Variants in MYO9A observed in about 807,000 individuals in gnomAD.
MYO9A encodes myosin IXA.
Under a neutral mutation model 293.3 loss-of-function variants are expected in MYO9A, and 103 were observed. The observed-to-expected ratio is 0.35, with a 90% confidence interval of 0.30 to 0.41. The LOEUF (loss-of-function observed/expected upper bound fraction) is 0.41. MYO9A is among the 10% of genes least tolerant of loss of function. The pLI, the probability that MYO9A is intolerant of heterozygous loss-of-function variation, is 1.00. For synonymous variants in MYO9A, 1,001 were observed against 1,035.7 expected (o/e 0.97, Z 0.64); for missense variants, 2,685 against 3,033.0 (o/e 0.89, Z 2.69).
chr15:71,859,911 G>T, intron 33 of MYO9A, 115 bp from the exon 34 acceptor site: 1 of 764,326 alleles, frequency 1.3e-6, no homozygotes, highest in Non-Finnish European at 2.1e-6. Context: ...TCAGACTGCT[G>T]TAATATGACA....
At chr15:72,019,972 G>A (rs1378642839) in intron 5 of MYO9A, among the ~76,000 whole-genome samples, 2 of 152,024 alleles carry the variant, frequency 1.3e-5, no homozygotes, top group East Asian at 1.9e-4. Context: ...GGCTGGTCTC[G>A]AACTCCTGAC....
chr15:71,974,213 A>G (rs941416702), intron 12 of MYO9A, among the ~76,000 whole-genome samples: 4 of 152,032 alleles, frequency 2.6e-5, no homozygotes, highest in Non-Finnish European at 4.4e-5. Flanking sequence ...TGTCCAACAA[A>G]GAGGAAAAAA....
intron 23 of MYO9A, 138 bp downstream of exon 23, chr15:71,901,053 T>C (rs563043563): frequency 6.9e-6 from 6 of 867,174 alleles, no homozygotes; most frequent in Admixed American, 6.5e-5. Context: ...TATGAGCACT[T>C]CAAAATTGGG....
intron 15 of MYO9A, among the ~76,000 whole-genome samples, chr15:71,941,149 G>C (rs562786916): frequency 6.6e-6 from 1 of 152,220 alleles, no homozygotes; most frequent in Admixed American, 6.5e-5. Context: ...AAAATCATCA[G>C]ATCTGGTCAG....
intron 29 of MYO9A, 56 bp from the exon 30 acceptor site, chr15:71,879,893 T>C: frequency 8.5e-7 from 1 of 1,177,444 alleles, no homozygotes; most frequent in East Asian, 2.3e-5. Flanking sequence ...AAGAAGTAAA[T>C]ACAACAGTAG....
rs558382337 is a variant in MYO9A, at chr15:71,955,930, T to C, written c.2182+3971A>G. ...GCTTATTCTGGACAATTCACATAAATGGAATGATACAATATTCCATTTTGT... is the reference window on the plus strand; with the variant it reads ...GCTTATTCTGGACAATTCACATAAACGGAATGATACAATATTCCATTTTGT... On this transcript the variant is annotated intron_variant, in intron 14 of 41. Coordinates refer to ENST00000356056, the MANE Select transcript of MYO9A (RefSeq NM_006901.4). Among the ~76,000 whole-genome samples the C allele has an allele frequency of 1.9e-4, 29 of 152,242 alleles. 1 individual carries two copies. In the South Asian group the frequency reaches 5.8e-3, roughly 31 times the overall value.
At position 71,854,475 on chromosome 15, in the gene MYO9A, A is replaced by G. The variant is rs148948301; in HGVS notation, c.6248T>C (p.Ile2083Thr). Reference protein sequence around the residue: ...RTVPLVVEKLINYIEMHGLYT... With the variant: ...RTVPLVVEKLTNYIEMHGLYT... ...CAGTCCATGCATTTCAATGTAGTTT[A>G]TGAGCTTTTCCACTACTAAAGGAAC... The change falls in exon 35 of 42, where the codon ATA (isoleucine) becomes ACA (threonine). Residue 2083 changes from isoleucine to threonine, a missense_variant. By Grantham distance (89) the Ile-to-Thr change is moderately conservative. Transcript: ENST00000356056. 399 of 1,613,706 alleles carry G rather than the reference A, an allele frequency of 2.5e-4. No homozygotes were observed. Among genetic ancestry groups the G allele is most frequent in the Non-Finnish European group, 3.1e-4 (370 of 1,179,840 alleles).
chr15:71,890,064 C>T (rs2057133843), intron 26 of MYO9A: 1 of 152,186 alleles, frequency 6.6e-6, no homozygotes, highest in Admixed American at 6.5e-5. Flanking sequence ...ATATCCTCTC[C>T]TGACTTCTCC....
At chr15:71,853,485 A>T (rs780899148) in intron 35 of MYO9A, among the ~76,000 whole-genome samples, 7 of 152,194 alleles carry the variant, frequency 4.6e-5, no homozygotes, top group Non-Finnish European at 8.8e-5. Flanking sequence ...CCTGTAAACC[A>T]AAGTAGACCA....
rs182369364 is a variant in MYO9A at position 71,964,399 on chromosome 15, C to T, written c.1986+3585G>A. The stretch of plus-strand genomic sequence containing the variant: ...TGGTGGCTCACACCTGTAATCCCAG[C>T]ACTCTGGGAGACTGAGGTGAGCAGA... On this transcript the variant is annotated intron_variant, in intron 13 of 41. Coordinates refer to ENST00000356056, the MANE Select transcript of MYO9A (RefSeq NM_006901.4). Among the ~76,000 whole-genome samples, 288 of 152,238 alleles carry T rather than the reference C, an allele frequency of 1.9e-3. 2 individuals carry two copies. Among genetic ancestry groups the T allele is most frequent in the Middle Eastern group, 0.014 (4 of 294 alleles).
chr15:71,890,842 G>C (rs760404069), intron 26 of MYO9A: 15 of 147,762 alleles, frequency 1.0e-4, no homozygotes, highest in Non-Finnish European at 1.6e-4. Flanking sequence ...ACACACTTCA[G>C]AGTAATAAAA....
At chr15:72,047,348 C>A (rs1006631938) in intron 1 of MYO9A, among the ~76,000 whole-genome samples, 2 of 152,224 alleles carry the variant, frequency 1.3e-5, no homozygotes, top group Admixed American at 6.5e-5. Flanking sequence ...TTCCCTTTTT[C>A]CTTCAATGCT....
At chr15:71,995,561 CAA>C (rs759642698) in intron 9 of MYO9A, among the ~76,000 whole-genome samples, 19 of 85,332 alleles carry the variant, frequency 2.2e-4, no homozygotes, top group African/African-American at 3.5e-4. Flanking sequence ...CATAAATTTA[CAA>C]AAAAAAAAAA....
Position 71,938,959 on chromosome 15 carries a change from A to C in MYO9A, c.2303-32T>G, listed in dbSNP as rs762050559. 72 of 1,518,516 alleles carry C rather than the reference A, an allele frequency of 4.7e-5. No individual in the cohort carries two copies. The South Asian group carries it at 7.3e-4, about 15-fold the overall frequency. 94.1% of individuals were successfully genotyped at this position (1,518,516 alleles called of 1,614,324 possible). A position where few individuals can be genotyped will look rare whatever the true frequency, so the allele number is the denominator to read the frequency against. On this transcript the variant is annotated intron_variant, in intron 15 of 41. Transcript: ENST00000356056. ...AAATTTAAAAAACAGAAAATTTCAAATCAGTGCAAAGAAAAATGAAACGTG... is the reference window on the plus strand; with the variant it reads ...AAATTTAAAAAACAGAAAATTTCAACTCAGTGCAAAGAAAAATGAAACGTG...
chr15:72,011,341 ATAAT>A (rs1329230630), intron 6 of MYO9A, among the ~76,000 whole-genome samples: 2 of 150,720 alleles, frequency 1.3e-5, no homozygotes, highest in Non-Finnish European at 3.0e-5. Context: ...ATATACATAT[ATAAT>A]TATTTATATA....
At chr15:71,934,560 A>G (rs1045291099) in intron 17 of MYO9A, among the ~76,000 whole-genome samples, 1 of 151,920 alleles carries the variant, frequency 6.6e-6, no homozygotes, top group African/African-American at 2.4e-5. Context: ...CTTGGGAAAT[A>G]TCTAAAACAT....
chr15:71,869,803 G>A (rs1445000886), intron 32 of MYO9A, among the ~76,000 whole-genome samples: 1 of 152,138 alleles, frequency 6.6e-6, no homozygotes, highest in Non-Finnish European at 1.5e-5. Flanking sequence ...GTGTAGCAGG[G>A]ACCATGAAAG....
At chr15:72,018,448 C>A (rs746615884) in intron 6 of MYO9A, among the ~76,000 whole-genome samples, 12 of 151,718 alleles carry the variant, frequency 7.9e-5, no homozygotes, top group Non-Finnish European at 1.5e-4. Context: ...AGTAAAAGAG[C>A]GAGACTCTGT....
chr15:71,927,184 G>T (rs2145437487), intron 18 of MYO9A, among the ~76,000 whole-genome samples: 3 of 152,282 alleles, frequency 2.0e-5, no homozygotes, highest in Middle Eastern at 6.8e-3. Flanking sequence ...AATGTCTTTT[G>T]GCTATTTTTA....
Sources: gnomAD v4.1 joint callset for allele counts (sites outside exome capture counted in the v4.1 genomes callset) on GRCh38, gnomAD v4.1.1 for gene constraint, MANE v1.5 for transcripts, NCBI Gene and HGNC (gene_info 2026-07-23, HGNC 2026-07-21) for gene names.